The following ATP2A3 variants were observed in gnomAD, a reference collection of about 807,000 sequenced individuals.
The protein encoded by ATP2A3 is ATPase sarcoplasmic/endoplasmic reticulum Ca2+ transporting 3.
In ATP2A3, 61 loss-of-function variants were observed where a neutral mutation model predicts 106.8. The ratio of observed to expected loss-of-function variants is 0.57; its 90% confidence interval spans 0.46 to 0.71. The LOEUF is 0.71. Ranked by LOEUF, ATP2A3 falls within the 30% of genes least tolerant of loss-of-function variation. The pLI is 0.00. For missense variants in ATP2A3, 1,201 were observed against 1,423.5 expected (o/e 0.84, Z 2.52); for synonymous variants, 611 against 609.3 (o/e 1.00, Z -0.04).
At chr17:3,943,645 CG>C (rs2053915328) in intron 10 of ATP2A3, 123 bp from the exon 11 acceptor site, 1 of 1,499,108 alleles carries the variant, frequency 6.7e-7, no homozygotes, top group South Asian at 1.2e-5. Context: ...TCCTTTGCAC[CG>C]GCCCGTGAGC....
Position 3,936,413 on chromosome 17 carries a change from A to G in ATP2A3, c.2378T>C (p.Leu793Pro), listed in dbSNP as rs1476840149. The change falls in exon 16 of 21, where the codon CTC becomes CCC. Residue 793 changes from leucine (L) to proline (P), a missense_variant. Around this residue, in one of 2 missense-constraint regions of ATP2A3, gnomAD observed 935 missense variants for 1,176.7 expected, o/e 0.79. Coordinates refer to ENST00000397041, the MANE Select transcript of ATP2A3 (RefSeq NM_005173.4). The surrounding 1 kb of genome is among the most constrained non-coding windows in gnomAD (Gnocchi z 5.4). The part of the protein sequence containing the change: ...LPEALIPVQL[L>P]WVNLVTDGLP... Reference sequence around the variant, plus strand: ...GCCGTCTGTCACCAGGTTCACCCAGAGCAGCTGCACAGGGATCAGGGCTTC... The same window carrying G: ...GCCGTCTGTCACCAGGTTCACCCAGGGCAGCTGCACAGGGATCAGGGCTTC... 1 of 1,614,072 alleles carries G rather than the reference A, an allele frequency of 6.2e-7. No homozygotes were observed. The highest frequency in any genetic ancestry group is 1.1e-5 in the South Asian group (1 of 91,076).
chr17:3,951,464 G>A, intron 4 of ATP2A3, 75 bp from the exon 5 acceptor site: 1 of 1,608,372 alleles, frequency 6.2e-7, no homozygotes, highest in Non-Finnish European at 8.5e-7. Context: ...TGACTCCTCT[G>A]GGGCCTGGGA....
Position 3,925,267 on chromosome 17 carries a change from CG to C in ATP2A3, c.*154del. ...GGGACAGAGACCCCAGGACGGGGCC[CG>C]GGGATGGCCATTCTGACCTCGGGCC... On this transcript the variant is annotated 3_prime_UTR_variant, in exon 21 of 21. Transcript: ENST00000397041. This position sits in a 1 kb window ranked among gnomAD's most constrained non-coding sequence, Gnocchi z 4.2. 1.6e-6 allele frequency: 2 copies of C among 1,281,634 alleles called. No individual in the cohort carries two copies. The highest frequency in any genetic ancestry group is 2.2e-6 in the Non-Finnish European group (2 of 907,712). The allele number at this position is 1,281,634 out of a possible 1,614,324, so 79.4% of individuals were successfully genotyped here.
At chr17:3,951,546 G>GCCCCCCCCCCCGGCCCCC in intron 4 of ATP2A3, 35 bp downstream of exon 4, 4 of 1,319,560 alleles carry the variant, frequency 3.0e-6, no homozygotes, top group Admixed American at 2.0e-5. Context: ...CTGGGAGACC[G>GCCCCCCCCCCCGGCCCCC]CCCCCCGCCC....
chr17:3,937,227 C>T (rs1328411640), intron 15 of ATP2A3, 189 bp downstream of exon 15: 3 of 698,838 alleles, frequency 4.3e-6, no homozygotes, highest in Non-Finnish European at 7.3e-6. Context: ...CATAGGTCAC[C>T]AGGGCCTCTG....
chr17:3,935,472 C>G (rs935154230), intron 16 of ATP2A3, among the ~76,000 whole-genome samples, 195 bp from the exon 17 acceptor site: 10 of 152,124 alleles, frequency 6.6e-5, no homozygotes, highest in African/African-American at 2.4e-4. Context: ...ATACCCTTGG[C>G]CCCAGTGCTT....
rs118171108 is a variant in ATP2A3 at position 3,950,686 on chromosome 17, G to C, written c.544+7C>G. ...ACTAGGTCCCGGCCTCCTGGGGGGG[G>C]CCTCACCCGTCAGGATGGACTGGTC... On this transcript the variant is annotated splice_region_variant and intron_variant, in intron 6 of 20. Coordinates refer to ENST00000397041, the MANE Select transcript of ATP2A3 (RefSeq NM_005173.4). 35,386 of 1,613,846 alleles carry C rather than the reference G, an allele frequency of 0.022. 468 individuals carry two copies. The highest frequency in any genetic ancestry group is 0.033 in the Middle Eastern group (200 of 6,048).
At position 3,928,494 on chromosome 17, in the gene ATP2A3, G is replaced by A. The variant is rs533492373; in HGVS notation, c.2980+169C>T. 43 of 951,496 alleles carry A rather than the reference G, an allele frequency of 4.5e-5. 1 individual carries two copies. The highest frequency in any genetic ancestry group is 3.6e-4 in the African/African-American group (22 of 61,620). The allele number at this position is 951,496 out of a possible 1,614,324, so 58.9% of individuals were successfully genotyped here. A position where few individuals can be genotyped will look rare whatever the true frequency, so the allele number is the denominator to read the frequency against. On this transcript the variant is annotated intron_variant, in intron 20 of 20. Coordinates refer to ENST00000397041, the MANE Select transcript of ATP2A3 (RefSeq NM_005173.4). This position sits in a 1 kb window ranked among gnomAD's most constrained non-coding sequence, Gnocchi z 6.1. ...AGTGCAAGACCCTGCGGACACCTTG[G>A]GACCCAGCCACCAGAGCCCCTTCAC...
chr17:3,927,738 T>C, intron 20 of ATP2A3: 3 of 984,532 alleles, frequency 3.0e-6, no homozygotes, highest in Non-Finnish European at 3.6e-6. Flanking sequence ...CCCCTACATG[T>C]GTCTGGCCAC....
At chr17:3,932,629 G>A (rs1371848931) in intron 17 of ATP2A3, among the ~76,000 whole-genome samples, 2 of 152,180 alleles carry the variant, frequency 1.3e-5, no homozygotes, top group Non-Finnish European at 2.9e-5. Context: ...TTGTAGAGAC[G>A]GGGTTTCGCC....
chr17:3,951,421 C>T, intron 4 of ATP2A3, 32 bp from the exon 5 acceptor site: 1 of 1,613,156 alleles, frequency 6.2e-7, no homozygotes, highest in Non-Finnish European at 8.5e-7. Context: ...GGCAGTCTGT[C>T]CCTGCTGCCC....
In ATP2A3 at chr17:3,955,269, T is replaced by TC. The variant is rs2054708016; in HGVS notation, c.119-1560_119-1559insG. On this transcript the variant is annotated intron_variant, in intron 1 of 20. Coordinates refer to ENST00000397041, the MANE Select transcript of ATP2A3 (RefSeq NM_005173.4). This position sits in a 1 kb window ranked among gnomAD's most constrained non-coding sequence, Gnocchi z 4.2. ...TCCACCTGTTTTTGGCCTACAGGCA[T>TC]TTTTTTTTCCTACGGGAGCCCTCTC... Among the ~76,000 whole-genome samples the TC allele has an allele frequency of 6.6e-6, 1 of 151,706 alleles. No individual in the cohort carries two copies. The highest frequency in any genetic ancestry group is 2.4e-5 in the African/African-American group (1 of 41,318).
At chr17:3,951,410 A>G (rs1234285566) in intron 4 of ATP2A3, 21 bp from the exon 5 acceptor site, 1 of 1,613,454 alleles carries the variant, frequency 6.2e-7, no homozygotes, top group East Asian at 2.2e-5. Context: ...GAAGGCCGGC[A>G]GGCAGTCTGT....
At chr17:3,939,990 CGT>C (rs1212438637) in intron 14 of ATP2A3, among the ~76,000 whole-genome samples, 2 of 141,980 alleles carry the variant, frequency 1.4e-5, no homozygotes, top group African/African-American at 5.3e-5. Flanking sequence ...ATGGGGAAGG[CGT>C]GTGACGGAAC....
intron 14 of ATP2A3, among the ~76,000 whole-genome samples, chr17:3,938,009 G>C (rs2144405148): frequency 6.6e-6 from 1 of 152,202 alleles, no homozygotes; most frequent in East Asian, 1.9e-4. Flanking sequence ...AAGTCAAGGG[G>C]ATGGCCCGGG....
intron 1 of ATP2A3, among the ~76,000 whole-genome samples, chr17:3,954,397 A>AC (rs944780297): frequency 1.5e-5 from 2 of 136,918 alleles, no homozygotes; most frequent in Non-Finnish European, 3.2e-5. Flanking sequence ...CTCAGTGAAG[A>AC]CCCCCCAGCC....
In ATP2A3 at chr17:3,947,213, G is replaced by A. The variant is rs1195310668; in HGVS notation, c.1095+178C>T. ...GCCTCAGTGACATGTGGCTACCCAGGCATGATTTGCTATAGTCTCCCTGTC... is the reference window on the plus strand; with the variant it reads ...GCCTCAGTGACATGTGGCTACCCAGACATGATTTGCTATAGTCTCCCTGTC... On this transcript the variant is annotated intron_variant, in intron 8 of 20. Coordinates refer to ENST00000397041, the MANE Select transcript of ATP2A3 (RefSeq NM_005173.4). The surrounding 1 kb of genome is among the most constrained non-coding windows in gnomAD (Gnocchi z 7.7). 1.3e-5 allele frequency among the ~76,000 whole-genome samples: 2 copies of A among 152,224 alleles called. No individual in the cohort carries two copies. The highest frequency in any genetic ancestry group is 4.8e-5 in the African/African-American group (2 of 41,456).
chr17:3,955,892 T>A lies in ATP2A3; in HGVS notation c.119-2182A>T, dbSNP rs1974613. ...CTCTTATTTTATTTTATTTTATTTT[T>A]TTTTTTTGAGATGGAGTCTTGCTCT... is the stretch of plus-strand genomic sequence containing the variant. On this transcript the variant is annotated intron_variant, in intron 1 of 20. Transcript: ENST00000397041. The surrounding 1 kb of genome is among the most constrained non-coding windows in gnomAD (Gnocchi z 4.2). Among the ~76,000 whole-genome samples, 21,553 of 150,538 alleles carry A rather than the reference T, an allele frequency of 0.14. 1,656 individuals carry two copies. The highest frequency in any genetic ancestry group is 0.17 in the Middle Eastern group (51 of 294).
chr17:3,941,510 G>A lies in ATP2A3; in HGVS notation c.1690C>T (p.Leu564=), dbSNP rs2053773939. 1 of 1,613,818 alleles carries A rather than the reference G, an allele frequency of 6.2e-7. No individual in the cohort carries two copies. The highest frequency in any genetic ancestry group is 1.3e-5 in the African/African-American group (1 of 75,062). Residue 564 remains leucine (L), a synonymous_variant, in exon 13 of 21, where the codon CTG becomes TTG. Transcript: ENST00000397041. ...SGSDTLRCLA[L]ATRDAPPRKE... is the part of the protein sequence containing the mutation. Reference sequence around the variant, plus strand: ...CTTGGGGGCGCGTCCCGGGTGGCCAGTGCCAGGCAGCGCAGCGTGTCTGAG... The same window carrying A: ...CTTGGGGGCGCGTCCCGGGTGGCCAATGCCAGGCAGCGCAGCGTGTCTGAG...
Sources: gnomAD v4.1 joint callset for allele counts (sites outside exome capture counted in the v4.1 genomes callset) on GRCh38, gnomAD v4.1.1 for gene constraint, gnomAD v4.1.1 regional missense constraint, Gnocchi (gnomAD v3.1) non-coding constraint, MANE v1.5 for transcripts, NCBI Gene and HGNC (gene_info 2026-07-23, HGNC 2026-07-21) for gene names.